SHROOM4: variants seen among roughly 807,000 people sequenced by gnomAD.
SHROOM4 encodes protein Shroom4.
SHROOM4 carries 17 observed loss-of-function variants against 80.3 expected under a neutral mutation model. The ratio of observed to expected loss-of-function variants is 0.21; its 90% CI spans 0.14 to 0.32. SHROOM4 has a LOEUF of 0.32. Among genes scored for constraint, SHROOM4 ranks in the 10% least tolerant of loss-of-function variants. The pLI is 1.00. For synonymous variants in SHROOM4, 400 were observed against 437.5 expected (o/e 0.91, Z 1.07); for missense variants, 993 against 1,140.3 (o/e 0.87, Z 1.86).
chrX:50,803,976 T>A lies in SHROOM4; in HGVS notation c.117+9926A>T, dbSNP rs369722500. 1.3e-4 allele frequency among the ~76,000 whole-genome samples: 15 copies of A among 111,913 alleles called. No individual in the cohort carries two copies. The East Asian group carries it at 3.9e-3, about 29-fold the overall frequency. Reference sequence around the variant, plus strand: ...CAGAAATCATGGCTGGTCTTCCAACTTTTTGCAGTAGCAGACATTACACGA... The same window carrying A: ...CAGAAATCATGGCTGGTCTTCCAACATTTTGCAGTAGCAGACATTACACGA... On this transcript the variant is annotated intron_variant, in intron 1 of 8. Transcript: ENST00000376020.
chrX:50,781,060 G>A (rs1557270610), intron 1 of SHROOM4, among the ~76,000 whole-genome samples: 1 of 111,335 alleles, frequency 9.0e-6, no homozygotes, highest in Admixed American at 9.5e-5. Flanking sequence ...AAGGGCAGGA[G>A]AAGATGGATG....
rs1935559340 is a variant in SHROOM4 at position 50,778,527 on chromosome X, T to TCTAGAAGGCC, written c.117+35365_117+35374dup. ...CACAGTAATATTTGAGAAACACTAGTCTAGAAGGCCCTAAAGTTGGCAGAT... is the reference window on the plus strand; with the variant it reads ...CACAGTAATATTTGAGAAACACTAGTCTAGAAGGCCCTAGAAGGCCCTAAAGTTGGCAGAT... On this transcript the variant is annotated intron_variant, in intron 1 of 8. Coordinates refer to ENST00000376020, the MANE Select transcript of SHROOM4 (RefSeq NM_020717.5). 4.5e-5 allele frequency among the ~76,000 whole-genome samples: 5 copies of TCTAGAAGGCC among 111,880 alleles called. No individual in the cohort carries two copies. In the South Asian group the frequency reaches 1.9e-3, roughly 43 times the overall value.
chrX:50,609,445 A>C (rs935351685), intron 5 of SHROOM4, among the ~76,000 whole-genome samples: 30 of 111,462 alleles, frequency 2.7e-4, no homozygotes, highest in African/African-American at 9.4e-4. Context: ...ATTATAAAAT[A>C]ATTGTAATTG....
rs1012180331 is a variant in SHROOM4, at chrX:50,634,775, C to T, written c.1298G>A (p.Gly433Glu). The T allele has an allele frequency of 3.3e-6, 4 of 1,209,915 alleles. No individual in the cohort carries two copies. The highest frequency in any genetic ancestry group is 3.5e-5 in the African/African-American group (2 of 57,092). Residue 433 changes from glycine to glutamate, a missense_variant, in exon 4 of 9, where the codon GGG becomes GAG. Physicochemically the swap from Gly to Glu is moderately conservative, Grantham distance 98 (BLOSUM62 -2). Transcript: ENST00000376020. Reference sequence around the variant, plus strand: ...ATCCTGTACGGGTGGGAGCTCCATCCCTTTGCTGCCCCTGGTATCAAGGTG... The same window carrying T: ...ATCCTGTACGGGTGGGAGCTCCATCTCTTTGCTGCCCCTGGTATCAAGGTG... The part of the protein sequence containing the change: ...HVHLDTRGSK[G>E]MELPPVQDGH...
At chrX:50,795,114 GAT>G (rs1181053336) in intron 1 of SHROOM4, among the ~76,000 whole-genome samples, 11 of 50,486 alleles carry the variant, frequency 2.2e-4, no homozygotes, top group African/African-American at 1.3e-3. Context: ...ATATATATAT[GAT>G]ATATATATAT....
Position 50,618,277 on chromosome X carries a change from C to CT in SHROOM4, c.2957+9336_2957+9337insA, listed in dbSNP as rs1491188001. 8.5e-4 allele frequency among the ~76,000 whole-genome samples: 38 copies of CT among 44,916 alleles called. 11 individuals are homozygous for CT. Among genetic ancestry groups the CT allele is most frequent in the Admixed American group, 1.8e-3 (5 of 2,814 alleles). 39.0% of individuals were successfully genotyped at this position (44,916 alleles called of 115,157 possible). On this transcript the variant is annotated intron_variant, in intron 5 of 8. Coordinates refer to ENST00000376020, the MANE Select transcript of SHROOM4 (RefSeq NM_020717.5). ...TTTCTTTCTTTTCTTCTCTTCTCTT[C>CT]CCCTTCCTTCCTTCCTTCCTTCCTT... is the stretch of plus-strand genomic sequence containing the variant.
intron 3 of SHROOM4, among the ~76,000 whole-genome samples, chrX:50,636,957 G>C (rs189814017): frequency 9.0e-6 from 1 of 111,130 alleles, no homozygotes; most frequent in East Asian, 2.8e-4. Flanking sequence ...ACCTAGCAAG[G>C]GTTCAATACA....
At chrX:50,694,543 A>ATTTTTTTTTT (rs782530547) in intron 2 of SHROOM4, among the ~76,000 whole-genome samples, 353 of 12,498 alleles carry the variant, frequency 0.028, 115 homozygotes, top group East Asian at 0.058. Flanking sequence ...TTTAAGTTGG[A>ATTTTTTTTTT]TTTTTTTTTT....
chrX:50,641,539 A>G (rs1296101441), intron 2 of SHROOM4, among the ~76,000 whole-genome samples: 3 of 111,673 alleles, frequency 2.7e-5, no homozygotes, highest in African/African-American at 9.8e-5. Flanking sequence ...CACCTAGGGT[A>G]CCATCCACTG....
chrX:50,813,781 G>A (rs1936398611), intron 1 of SHROOM4, 121 bp downstream of exon 1: 1 of 524,685 alleles, frequency 1.9e-6, no homozygotes, highest in Non-Finnish European at 3.4e-6. Flanking sequence ...CGCTCAGAGG[G>A]TCTTTCGCTC....
At chrX:50,722,363 G>A (rs1311744920) in intron 1 of SHROOM4, among the ~76,000 whole-genome samples, 1 of 109,412 alleles carries the variant, frequency 9.1e-6, no homozygotes, top group South Asian at 4.1e-4. Context: ...ACCTACCTAA[G>A]GGAAGGGGTC....
At chrX:50,652,302 G>T (rs951662537) in intron 2 of SHROOM4, among the ~76,000 whole-genome samples, 1 of 112,180 alleles carries the variant, frequency 8.9e-6, no homozygotes, top group Non-Finnish European at 1.9e-5. Flanking sequence ...GTATCTCATT[G>T]TGGTTTTGAT....
At chrX:50,660,988 T>C (rs1557259931) in intron 2 of SHROOM4, among the ~76,000 whole-genome samples, 1 of 110,827 alleles carries the variant, frequency 9.0e-6, no homozygotes, top group Non-Finnish European at 1.9e-5. Flanking sequence ...CTTTTTTCCT[T>C]TTTTGAATGG....
intron 2 of SHROOM4, among the ~76,000 whole-genome samples, chrX:50,679,538 T>C (rs182177552): frequency 2.7e-5 from 3 of 112,008 alleles, no homozygotes; most frequent in African/African-American, 9.7e-5. Context: ...CCCTTTAACA[T>C]ATATATTGTT....
At chrX:50,709,379 T>C (rs1479129733) in intron 1 of SHROOM4, among the ~76,000 whole-genome samples, 1 of 111,862 alleles carries the variant, frequency 8.9e-6, no homozygotes, top group Admixed American at 9.5e-5. Context: ...ACAATTATAT[T>C]TATGAGGACA....
At chrX:50,654,459 T>C (rs782070186) in intron 2 of SHROOM4, among the ~76,000 whole-genome samples, 1 of 112,002 alleles carries the variant, frequency 8.9e-6, no homozygotes, top group Non-Finnish European at 1.9e-5. Flanking sequence ...ATATACAATA[T>C]ATTTTTTCAT....
chrX:50,624,540 T>C (rs1336023141), intron 5 of SHROOM4, among the ~76,000 whole-genome samples: 1 of 111,235 alleles, frequency 9.0e-6, no homozygotes, highest in Non-Finnish European at 1.9e-5. Flanking sequence ...CAGGTCCCCT[T>C]CTCAAGTGCC....
At chrX:50,786,514 C>T (rs1557271092) in intron 1 of SHROOM4, among the ~76,000 whole-genome samples, 1 of 111,721 alleles carries the variant, frequency 9.0e-6, no homozygotes, top group Non-Finnish European at 1.9e-5. Flanking sequence ...TGACAGGACC[C>T]AGCACACTCT....
intron 5 of SHROOM4, among the ~76,000 whole-genome samples, chrX:50,618,174 C>G (rs1930330720): frequency 9.0e-6 from 1 of 111,123 alleles, no homozygotes; most frequent in African/African-American, 3.3e-5. Flanking sequence ...ATTTGCAACT[C>G]TGCTTTGAGA....
Sources: gnomAD v4.1 joint callset for allele counts (sites outside exome capture counted in the v4.1 genomes callset) on GRCh38, gnomAD v4.1.1 for gene constraint, MANE v1.5 for transcripts, NCBI Gene and HGNC (gene_info 2026-07-23, HGNC 2026-07-21) for gene names.